Variants in GRM5 observed in about 807,000 individuals in gnomAD.
GRM5 encodes the protein metabotropic glutamate receptor 5.
A neutral mutation model predicts 83.1 loss-of-function variants in GRM5; 19 were observed. The ratio of observed to expected loss-of-function variants is 0.23; its 90% confidence interval spans 0.16 to 0.34. The LOEUF (loss-of-function observed/expected upper bound fraction) is 0.34, where lower values mean the gene tolerates loss of function less well. Ranked by LOEUF, GRM5 falls within the 10% of genes least tolerant of loss-of-function variation. The pLI, the probability that GRM5 is intolerant of heterozygous loss-of-function variation, is 1.00. For synonymous variants in GRM5, 675 were observed against 633.6 expected, an observed-to-expected ratio of 1.07 and a Z score of -0.98; for missense variants, 1,160 against 1,588.3, an observed-to-expected ratio of 0.73 and a Z score of 4.58.
At chr11:88,749,040 C>T (rs1180388264) in intron 3 of GRM5, among the ~76,000 whole-genome samples, 2 of 152,176 alleles carry the variant, frequency 1.3e-5, no homozygotes, top group Non-Finnish European at 2.9e-5. Flanking sequence ...TACCTCTTCT[C>T]CTCTAAATGA....
At chr11:88,844,996 CA>C (rs2135534440) in intron 3 of GRM5, among the ~76,000 whole-genome samples, 1 of 152,252 alleles carries the variant, frequency 6.6e-6, no homozygotes, top group East Asian at 1.9e-4. Flanking sequence ...GAAATGACAA[CA>C]AAGAATTTAG....
At chr11:88,786,280 T>TAA (rs1157370872) in intron 3 of GRM5, among the ~76,000 whole-genome samples, 1 of 152,146 alleles carries the variant, frequency 6.6e-6, no homozygotes, top group East Asian at 1.9e-4. Flanking sequence ...ATCTCAGCTA[T>TAA]AATTTTCTCC....
intron 2 of GRM5, among the ~76,000 whole-genome samples, chr11:88,932,364 G>A (rs1269818154): frequency 6.6e-6 from 1 of 151,860 alleles, no homozygotes; most frequent in Admixed American, 6.6e-5. Flanking sequence ...CAGTTTATTG[G>A]CTAAAAAAGT....
chr11:88,913,886 G>T (rs571972685), intron 2 of GRM5, among the ~76,000 whole-genome samples: 1 of 152,130 alleles, frequency 6.6e-6, no homozygotes, highest in African/African-American at 2.4e-5. Context: ...GTGGCCTACA[G>T]TTCCATATCT....
chr11:88,966,298 C>T (rs547285259), intron 2 of GRM5, among the ~76,000 whole-genome samples: 1 of 152,040 alleles, frequency 6.6e-6, no homozygotes, highest in South Asian at 2.1e-4. Context: ...TAAATCAATA[C>T]TCAAGTTCTA....
At chr11:88,659,409 G>C (rs568974737) in intron 3 of GRM5, among the ~76,000 whole-genome samples, 59 of 152,048 alleles carry the variant, frequency 3.9e-4, no homozygotes, top group Non-Finnish European at 5.0e-4. Context: ...AACAATGTTC[G>C]TACCTGTGGT....
intron 3 of GRM5, among the ~76,000 whole-genome samples, chr11:88,698,077 A>G (rs1940942464): frequency 6.6e-6 from 1 of 152,226 alleles, no homozygotes; most frequent in South Asian, 2.1e-4. Flanking sequence ...CTTTACTGTC[A>G]TTCAGACTCG....
chr11:88,708,602 T>C (rs1941212662), intron 3 of GRM5, among the ~76,000 whole-genome samples: 1 of 152,110 alleles, frequency 6.6e-6, no homozygotes, highest in South Asian at 2.1e-4. Flanking sequence ...AGGGATTTAG[T>C]GACAATCACA....
At chr11:88,816,388 A>C (rs1218468208) in intron 3 of GRM5, among the ~76,000 whole-genome samples, 2 of 151,048 alleles carry the variant, frequency 1.3e-5, no homozygotes, top group Non-Finnish European at 3.0e-5. Flanking sequence ...AAAATACAAA[A>C]ATTAGCCAGA....
intron 2 of GRM5, among the ~76,000 whole-genome samples, chr11:89,012,765 T>C (rs1940739960): frequency 6.6e-6 from 1 of 152,138 alleles, no homozygotes; most frequent in Non-Finnish European, 1.5e-5. Context: ...ATGTCAGCAT[T>C]CCAGCCAGCC....
At chr11:88,557,400 G>T (rs1239504888) in intron 8 of GRM5, among the ~76,000 whole-genome samples, 1 of 152,136 alleles carries the variant, frequency 6.6e-6, no homozygotes, top group African/African-American at 2.4e-5. Context: ...GGGAAGTTTT[G>T]ATTGCATATG....
At chr11:88,872,991 G>A (rs903467571) in intron 2 of GRM5, among the ~76,000 whole-genome samples, 14 of 148,056 alleles carry the variant, frequency 9.5e-5, no homozygotes, top group Non-Finnish European at 1.2e-4. Flanking sequence ...AAAGATACAC[G>A]AAGACTGAAA....
chr11:88,898,634 T>TAC (rs994027658), intron 2 of GRM5, among the ~76,000 whole-genome samples: 252 of 151,128 alleles, frequency 1.7e-3, no homozygotes, highest in East Asian at 4.3e-3. Context: ...GTGTCATATA[T>TAC]ACACACACAC....
At chr11:89,044,863 A>AT (rs558545460) in intron 2 of GRM5, among the ~76,000 whole-genome samples, 3 of 151,820 alleles carry the variant, frequency 2.0e-5, no homozygotes, top group Admixed American at 6.6e-5. Flanking sequence ...AAAAAAAAAA[A>AT]AGCATGACCT....
chr11:89,037,746 C>T (rs1276835969), intron 2 of GRM5, among the ~76,000 whole-genome samples: 3 of 152,080 alleles, frequency 2.0e-5, no homozygotes, highest in Non-Finnish European at 2.9e-5. Context: ...AAACCCATCA[C>T]TCCAGAAAAT....
At chr11:88,842,569 A>C (rs1373503388) in intron 3 of GRM5, among the ~76,000 whole-genome samples, 1 of 152,160 alleles carries the variant, frequency 6.6e-6, no homozygotes, top group Non-Finnish European at 1.5e-5. Flanking sequence ...GATCTCCTAA[A>C]TTCAGTTGAC....
chr11:89,052,012 G>C (rs1454187051), intron 1 of GRM5, among the ~76,000 whole-genome samples: 4 of 152,110 alleles, frequency 2.6e-5, no homozygotes, highest in African/African-American at 9.7e-5. Flanking sequence ...GAGGAATCAG[G>C]GTCTACTCCT....
intron 2 of GRM5, among the ~76,000 whole-genome samples, chr11:88,976,142 G>T (rs1036927216): frequency 2.6e-5 from 4 of 152,062 alleles, no homozygotes; most frequent in African/African-American, 9.7e-5. Context: ...AATGATTATT[G>T]ATTTTAACCT....
At chr11:88,667,172 A>G (rs962421933) in intron 3 of GRM5, among the ~76,000 whole-genome samples, 2 of 152,222 alleles carry the variant, frequency 1.3e-5, no homozygotes, top group East Asian at 3.8e-4. Flanking sequence ...AATGAAGTTT[A>G]GAAAACTTAG....
Sources: allele counts gnomAD v4.1 joint callset (sites outside exome capture counted in the v4.1 genomes callset), GRCh38; gene constraint gnomAD v4.1.1; transcripts MANE v1.5; gene names NCBI Gene and HGNC (gene_info 2026-07-23, HGNC 2026-07-21).